Variants in DNAAF9 observed in about 807,000 individuals in gnomAD.
DNAAF9 encodes the protein dynein axonemal assembly factor 9.
In DNAAF9, 90 loss-of-function variants were observed where a neutral mutation model predicts 167.0. The ratio of observed to expected loss-of-function variants is 0.54; its 90% CI spans 0.45 to 0.64. The LOEUF (loss-of-function observed/expected upper bound fraction) is 0.64. DNAAF9 is among the 30% of genes least tolerant of loss of function. The probability of loss-of-function intolerance (pLI) is 0.00; values close to 1 mark genes in which losing one functional copy is unlikely to be tolerated. For missense variants in DNAAF9, 1,315 were observed against 1,442.2 expected, an observed-to-expected ratio of 0.91 and a Z score of 1.43; for synonymous variants, 491 against 508.8, an observed-to-expected ratio of 0.96 and a Z score of 0.47.
intron 16 of DNAAF9, among the ~76,000 whole-genome samples, chr20:3,322,012 G>T (rs980953162): frequency 2.0e-5 from 3 of 152,206 alleles, no homozygotes; most frequent in Non-Finnish European, 4.4e-5. Flanking sequence ...AGGGAGAATA[G>T]ATGTGGGTGG....
intron 6 of DNAAF9, among the ~76,000 whole-genome samples, chr20:3,366,697 G>A (rs894795163): frequency 6.6e-6 from 1 of 152,104 alleles, no homozygotes; most frequent in Non-Finnish European, 1.5e-5. Flanking sequence ...GGCCGAGGTG[G>A]GAGGATCACT....
intron 26 of DNAAF9, among the ~76,000 whole-genome samples, chr20:3,289,596 C>T (rs6051717): frequency 0.25 from 38,017 of 151,930 alleles, 5,351 homozygotes; most frequent in African/African-American, 0.37. Context: ...CTCAGCTCAC[C>T]GCAGCCTCGC....
intron 5 of DNAAF9, 43 bp from the exon 6 acceptor site, chr20:3,374,197 G>T: frequency 7.4e-7 from 1 of 1,345,798 alleles, no homozygotes; most frequent in Admixed American, 1.7e-5. Flanking sequence ...ATACCATCCT[G>T]AATATAACAG....
intron 3 of DNAAF9, 133 bp downstream of exon 3, chr20:3,381,246 C>A: frequency 1.4e-6 from 1 of 702,002 alleles, no homozygotes; most frequent in Non-Finnish European, 2.1e-6. Flanking sequence ...TTTTTTCATT[C>A]TTTAAAAAGC....
Position 3,281,652 on chromosome 20 carries a change from G to T in DNAAF9, c.2601C>A (p.Tyr867Ter). The change falls in exon 28 of 37, where the codon TAC becomes TAA. Residue 867 changes from tyrosine to a stop codon, truncating the protein, a stop_gained. Transcript: ENST00000252032. LOFTEE classifies it high-confidence loss of function. ...ITACVEPMSC[Y>*]MEHRFLFPKC... Reference sequence around the variant, plus strand: ...TATCCTGTATCTACCTGTGCTCCATGTAGCAGCTCATGGGCTCCACACATG... The same window carrying T: ...TATCCTGTATCTACCTGTGCTCCATTTAGCAGCTCATGGGCTCCACACATG... The T allele has an allele frequency of 6.2e-7, 1 of 1,610,644 alleles. No individual in the cohort carries two copies. The highest frequency in any genetic ancestry group is 8.5e-7 in the Non-Finnish European group (1 of 1,178,812).
At chr20:3,406,214 C>T (rs1440852585) in intron 1 of DNAAF9, among the ~76,000 whole-genome samples, 1 of 152,156 alleles carries the variant, frequency 6.6e-6, no homozygotes, top group Non-Finnish European at 1.5e-5. Flanking sequence ...TTCTTGTTCT[C>T]CAATAATTTG....
At chr20:3,284,966 C>T (rs781502309) in intron 27 of DNAAF9, among the ~76,000 whole-genome samples, 106 of 152,130 alleles carry the variant, frequency 7.0e-4, no homozygotes, top group Non-Finnish European at 1.4e-3. Flanking sequence ...AGTTCCAACA[C>T]ACAAGGATCC....
At chr20:3,308,923 C>T (rs549648180) in intron 20 of DNAAF9, among the ~76,000 whole-genome samples, 59 of 152,130 alleles carry the variant, frequency 3.9e-4, no homozygotes, top group Non-Finnish European at 7.5e-4. Flanking sequence ...AAGGGCACCA[C>T]ATCCCAACAG....
At chr20:3,361,977 C>T (rs1472428908) in intron 6 of DNAAF9, 6 of 1,534,284 alleles carry the variant, frequency 3.9e-6, no homozygotes, top group Non-Finnish European at 5.4e-6. Flanking sequence ...AACTTTGATG[C>T]TATATGAATT....
chr20:3,337,325 G>A (rs1214621946), intron 10 of DNAAF9, among the ~76,000 whole-genome samples: 9 of 147,178 alleles, frequency 6.1e-5, no homozygotes, highest in Non-Finnish European at 7.5e-5. Flanking sequence ...GTGCAGTGGC[G>A]TCATCTTGGC....
intron 30 of DNAAF9, 146 bp from the exon 31 acceptor site, chr20:3,264,670 A>G: frequency 1.6e-6 from 1 of 638,950 alleles, no homozygotes; most frequent in South Asian, 1.7e-5. Flanking sequence ...CCCGGGTTCA[A>G]GTGATTCTCC....
intron 5 of DNAAF9, 37 bp from the exon 6 acceptor site, chr20:3,374,191 C>T: frequency 7.2e-7 from 1 of 1,389,306 alleles, no homozygotes; most frequent in Non-Finnish European, 1.0e-6. Context: ...TATCAGATAC[C>T]ATCCTGAATA....
In DNAAF9 at chr20:3,281,917, T is replaced by G. The variant is rs983022171; in HGVS notation, c.2487-151A>C. Reference sequence around the variant, plus strand: ...GGTCCCTTGGTGTCACTCCACTTCATGACATGCAGCCCCTGGAAGCTACAG... The same window carrying G: ...GGTCCCTTGGTGTCACTCCACTTCAGGACATGCAGCCCCTGGAAGCTACAG... On this transcript the variant is annotated intron_variant, in intron 27 of 36. Coordinates refer to ENST00000252032, the MANE Select transcript of DNAAF9 (RefSeq NM_001009984.3). 9 of 654,264 alleles carry G rather than the reference T, an allele frequency of 1.4e-5. No homozygotes were observed. The African/African-American group carries it at 1.5e-4, about 11-fold the overall frequency. The allele number at this position is 654,264 out of a possible 1,614,324, so 40.5% of individuals were successfully genotyped here.
intron 3 of DNAAF9, among the ~76,000 whole-genome samples, chr20:3,376,697 T>C (rs1475449600): frequency 1.3e-5 from 2 of 152,192 alleles, no homozygotes; most frequent in African/African-American, 4.8e-5. Flanking sequence ...AAGGGTCCTT[T>C]CGTGTCATAT....
Position 3,252,362 on chromosome 20 carries a change from T to A in DNAAF9, c.*210A>T. On this transcript the variant is annotated 3_prime_UTR_variant, in exon 37 of 37. Transcript: ENST00000252032. ...GCCCCATCTGCTCATCCTTGAGTAT[T>A]CCCCCGACCCCCAAAATCAATGGTG... is the stretch of plus-strand genomic sequence containing the variant. 4.1e-6 allele frequency: 2 copies of A among 483,372 alleles called. No individual in the cohort carries two copies. The highest frequency in any genetic ancestry group is 6.7e-5 in the Admixed American group (2 of 29,634). 29.9% of individuals were successfully genotyped at this position (483,372 alleles called of 1,614,324 possible).
intron 29 of DNAAF9, among the ~76,000 whole-genome samples, chr20:3,273,711 G>C (rs139221380): frequency 2.6e-5 from 4 of 152,266 alleles, no homozygotes; most frequent in African/African-American, 9.6e-5. Context: ...CAACACTGGG[G>C]ATTATGTTTC....
chr20:3,399,582 T>C (rs954889743), intron 1 of DNAAF9, among the ~76,000 whole-genome samples: 2 of 152,104 alleles, frequency 1.3e-5, no homozygotes, highest in East Asian at 1.9e-4. Flanking sequence ...CCTCCAGAGT[T>C]GATCAATGAG....
At chr20:3,329,561 A>G (rs112299282) in intron 12 of DNAAF9, among the ~76,000 whole-genome samples, 3 of 152,184 alleles carry the variant, frequency 2.0e-5, no homozygotes, top group Admixed American at 2.0e-4. Flanking sequence ...TAGTATGATT[A>G]TATTTCTTCT....
intron 27 of DNAAF9, among the ~76,000 whole-genome samples, chr20:3,283,533 C>T (rs775158550): frequency 1.1e-4 from 17 of 152,216 alleles, no homozygotes; most frequent in Admixed American, 7.8e-4. Flanking sequence ...TATGACCACA[C>T]GCGGCTCTTT....
Sources: allele counts gnomAD v4.1 joint callset (sites outside exome capture counted in the v4.1 genomes callset), GRCh38; gene constraint gnomAD v4.1.1; transcripts MANE v1.5; gene names NCBI Gene and HGNC (gene_info 2026-07-23, HGNC 2026-07-21).